The following KIRREL3 variants were observed in gnomAD, a reference collection of about 807,000 sequenced individuals.
The protein encoded by KIRREL3 is kirre like nephrin family adhesion molecule 3.
KIRREL3 carries 36 observed loss-of-function variants against 89.7 expected under a neutral mutation model. The ratio of observed to expected loss-of-function variants is 0.40; its 90% CI spans 0.31 to 0.53. KIRREL3 has a LOEUF of 0.53. Among genes scored for constraint, KIRREL3 ranks in the 20% least tolerant of loss-of-function variants. The pLI is 0.49. For synonymous variants in KIRREL3, 445 were observed against 441.4 expected, an observed-to-expected ratio of 1.01 and a Z score of -0.10; for missense variants, 864 against 1,056.6, an observed-to-expected ratio of 0.82 and a Z score of 2.53.
intron 1 of KIRREL3, among the ~76,000 whole-genome samples, chr11:126,869,561 C>T (rs60512742): frequency 1.2e-3 from 188 of 152,258 alleles, no homozygotes; most frequent in African/African-American, 4.3e-3. Context: ...CAAATGGGTT[C>T]AGCTCAAGTC....
At chr11:126,826,207 G>A (rs148961893) in intron 1 of KIRREL3, among the ~76,000 whole-genome samples, 34 of 152,258 alleles carry the variant, frequency 2.2e-4, no homozygotes, top group African/African-American at 7.9e-4. Flanking sequence ...TTGCTAGATA[G>A]TGCACACATG....
intron 1 of KIRREL3, among the ~76,000 whole-genome samples, chr11:126,770,177 C>T (rs1949974636): frequency 6.6e-6 from 1 of 152,144 alleles, no homozygotes; most frequent in Non-Finnish European, 1.5e-5. Context: ...TCCCTGCTTC[C>T]TGCTTGTCAA....
In KIRREL3 at chr11:126,427,829, C is replaced by T. The variant is rs1236153221; in HGVS notation, c.1806+1350G>A. ...AGACAAAAGACTACAAGGCTGAGAC[C>T]AACTGGGAGGCTGCTGTAATCATCC... On this transcript the variant is annotated intron_variant, in intron 15 of 16. Coordinates refer to ENST00000525144, the MANE Select transcript of KIRREL3 (RefSeq NM_032531.4). This position sits in a 1 kb window ranked among gnomAD's most constrained non-coding sequence, Gnocchi z 5.3. Among the ~76,000 whole-genome samples, 2 of 152,148 alleles carry T rather than the reference C, an allele frequency of 1.3e-5. No homozygotes were observed. The highest frequency in any genetic ancestry group is 2.9e-5 in the Non-Finnish European group (2 of 68,032).
At position 126,471,530 on chromosome 11, in the gene KIRREL3, T is replaced by G. The variant is rs1432394358; in HGVS notation, c.591+1779A>C. On this transcript the variant is annotated intron_variant, in intron 5 of 16. Coordinates refer to ENST00000525144, the MANE Select transcript of KIRREL3 (RefSeq NM_032531.4). This position sits in a 1 kb window ranked among gnomAD's most constrained non-coding sequence, Gnocchi z 5.4. Reference sequence around the variant, plus strand: ...GGGAGAGTGTGGGCACAGCCTCTGTTGTGGCTTGCTTTCATAGGAAGGAAT... The same window carrying G: ...GGGAGAGTGTGGGCACAGCCTCTGTGGTGGCTTGCTTTCATAGGAAGGAAT... Among the ~76,000 whole-genome samples the G allele has an allele frequency of 6.6e-6, 1 of 151,972 alleles. No individual in the cohort carries two copies. The highest frequency in any genetic ancestry group is 1.5e-5 in the Non-Finnish European group (1 of 67,966).
chr11:127,001,000 T>C (rs931808107), upstream of KIRREL3: 7 of 223,074 alleles, frequency 3.1e-5, no homozygotes, highest in Non-Finnish European at 3.5e-5. This position sits in a 1 kb window ranked among gnomAD's most constrained non-coding sequence, Gnocchi z 7.1. Flanking sequence ...TAGGGAAAAA[T>C]TCAGCTTTTG....
chr11:126,692,716 C>T lies in KIRREL3; in HGVS notation c.56-129804G>A, dbSNP rs1027909604. 5.3e-5 allele frequency among the ~76,000 whole-genome samples: 8 copies of T among 152,250 alleles called. No individual in the cohort carries two copies. In the East Asian group the frequency reaches 7.7e-4, roughly 15 times the overall value. ...ACATAGATGAACCTTGAAGACATTA[C>T]GCTAAGTGAAACAAGCCAGTCACAA... is the stretch of plus-strand genomic sequence containing the variant. On this transcript the variant is annotated intron_variant, in intron 1 of 16. Transcript: ENST00000525144.
intron 1 of KIRREL3, among the ~76,000 whole-genome samples, chr11:126,800,313 A>T (rs1300211236): frequency 6.6e-6 from 1 of 152,196 alleles, no homozygotes; most frequent in East Asian, 1.9e-4. Flanking sequence ...GCACTCAGCC[A>T]CTTGCTTGAG....
At chr11:126,907,819 C>A (rs1450006064) in intron 1 of KIRREL3, among the ~76,000 whole-genome samples, 1 of 152,092 alleles carries the variant, frequency 6.6e-6, no homozygotes, top group Non-Finnish European at 1.5e-5. Context: ...CATTTTGCCC[C>A]AACCACACTG....
rs1017882714 is a variant in KIRREL3 at position 126,553,321 on chromosome 11, C to T, written c.133+9514G>A. On this transcript the variant is annotated intron_variant, in intron 2 of 16. Transcript: ENST00000525144. The surrounding 1 kb of genome is among the most constrained non-coding windows in gnomAD (Gnocchi z 4.7). Reference sequence around the variant, plus strand: ...TATCTTCTACTGAGTAAGGAAAGCCCACTCCAGAGTCAGTGTCTATTCTAG... The same window carrying T: ...TATCTTCTACTGAGTAAGGAAAGCCTACTCCAGAGTCAGTGTCTATTCTAG... Among the ~76,000 whole-genome samples the T allele has an allele frequency of 6.6e-6, 1 of 152,108 alleles. No individual in the cohort carries two copies. The highest frequency in any genetic ancestry group is 2.1e-4 in the South Asian group (1 of 4,826).
At chr11:126,819,465 T>C (rs1943133893) in intron 1 of KIRREL3, among the ~76,000 whole-genome samples, 1 of 152,232 alleles carries the variant, frequency 6.6e-6, no homozygotes, top group African/African-American at 2.4e-5. Context: ...GGCCATTGTG[T>C]GGGAGGCTGC....
intron 1 of KIRREL3, among the ~76,000 whole-genome samples, chr11:126,654,797 T>A (rs4937171): frequency 0.29 from 43,931 of 152,076 alleles, 6,551 homozygotes; most frequent in East Asian, 0.42. Context: ...CATTATTTTT[T>A]TTTATTTTTT....
rs1944973076 is a variant in KIRREL3, at chr11:126,653,141, A to C, written c.56-90229T>G. Reference sequence around the variant, plus strand: ...GAGGAATATATGTACACAACTGAAAAGTTAAGTAAACAAGAGAATGATGGA... The same window carrying C: ...GAGGAATATATGTACACAACTGAAACGTTAAGTAAACAAGAGAATGATGGA... On this transcript the variant is annotated intron_variant, in intron 1 of 16. Coordinates refer to ENST00000525144, the MANE Select transcript of KIRREL3 (RefSeq NM_032531.4). The surrounding 1 kb of genome is among the most constrained non-coding windows in gnomAD (Gnocchi z 5.4). Among the ~76,000 whole-genome samples, 1 of 152,228 alleles carries C rather than the reference A, an allele frequency of 6.6e-6. No homozygotes were observed. The highest frequency in any genetic ancestry group is 1.5e-5 in the Non-Finnish European group (1 of 68,046).
At position 126,643,219 on chromosome 11, in the gene KIRREL3, A is replaced by G. The variant is rs1273042484; in HGVS notation, c.56-80307T>C. On this transcript the variant is annotated intron_variant, in intron 1 of 16. Transcript: ENST00000525144. This position sits in a 1 kb window ranked among gnomAD's most constrained non-coding sequence, Gnocchi z 4.5. ...TTAATGGTATCTATTTCATAGGGTT[A>G]ACATGGGAATTAAAGAAGATAATGC... 1.3e-5 allele frequency among the ~76,000 whole-genome samples: 2 copies of G among 152,272 alleles called. No individual in the cohort carries two copies. The highest frequency in any genetic ancestry group is 2.9e-5 in the Non-Finnish European group (2 of 68,052).
Position 126,883,328 on chromosome 11 carries a change from T to C in KIRREL3, c.55+117127A>G, listed in dbSNP as rs1010649645. Among the ~76,000 whole-genome samples the C allele has an allele frequency of 9.9e-5, 15 of 152,130 alleles. No homozygotes were observed. Among genetic ancestry groups the C allele is most frequent in the Admixed American group, 2.6e-4 (4 of 15,272 alleles). On this transcript the variant is annotated intron_variant, in intron 1 of 16. Transcript: ENST00000525144. The surrounding 1 kb of genome is among the most constrained non-coding windows in gnomAD (Gnocchi z 4.1). ...GAGAGATCTTCAAGCAGCACAGCAGTTAAAGAACTTTATAGCCTCTTCCCA... is the reference window on the plus strand; with the variant it reads ...GAGAGATCTTCAAGCAGCACAGCAGCTAAAGAACTTTATAGCCTCTTCCCA...
intron 1 of KIRREL3, among the ~76,000 whole-genome samples, chr11:126,922,714 GCAACAACAACAACAA>G (rs60734857): frequency 2.0e-5 from 3 of 151,230 alleles, no homozygotes; most frequent in African/African-American, 4.9e-5. Context: ...AGGAGCAGCA[GCAACAACAACAACAA>G]CAACAACAAC....
chr11:126,593,750 A>G (rs1376896684), intron 1 of KIRREL3, among the ~76,000 whole-genome samples: 1 of 152,206 alleles, frequency 6.6e-6, no homozygotes, highest in Non-Finnish European at 1.5e-5. Flanking sequence ...GAGAACATTC[A>G]TAGCTTTTAG....
chr11:126,536,927 T>C (rs1208418975), intron 2 of KIRREL3, among the ~76,000 whole-genome samples: 1 of 152,160 alleles, frequency 6.6e-6, no homozygotes, highest in Non-Finnish European at 1.5e-5. Context: ...ATTACAGGCA[T>C]GAGCCATTGC....
rs184246864 is a variant in KIRREL3 at position 126,458,103 on chromosome 11, G to A, written c.743-1649C>T. ...TCCTTTTTCCCTGTCATGGCCCAGA[G>A]CTCTGGCTGAGTTGAGTGGGCAGCC... On this transcript the variant is annotated intron_variant, in intron 6 of 16. Coordinates refer to ENST00000525144, the MANE Select transcript of KIRREL3 (RefSeq NM_032531.4). Among the ~76,000 whole-genome samples, 909 of 152,290 alleles carry A rather than the reference G, an allele frequency of 6.0e-3. 6 individuals carry two copies. The highest frequency in any genetic ancestry group is 0.01 in the Middle Eastern group (3 of 294).
chr11:126,441,203 C>G lies in KIRREL3; in HGVS notation c.1253-654G>C, dbSNP rs1955550621. ...TTCATCATCTTGTCTGCCTCCACGT[C>G]CATACCCAGACTGCCCAAGTGAGGC... On this transcript the variant is annotated intron_variant, in intron 10 of 16. Transcript: ENST00000525144. This position sits in a 1 kb window ranked among gnomAD's most constrained non-coding sequence, Gnocchi z 5.0. 6.6e-6 allele frequency among the ~76,000 whole-genome samples: 1 copy of G among 152,232 alleles called. No homozygotes were observed. Among genetic ancestry groups the G allele is most frequent in the African/African-American group, 2.4e-5 (1 of 41,464 alleles).
Sources: allele counts gnomAD v4.1 joint callset (sites outside exome capture counted in the v4.1 genomes callset), GRCh38; gene constraint gnomAD v4.1.1; non-coding constraint Gnocchi (gnomAD v3.1); transcripts MANE v1.5; gene names NCBI Gene and HGNC (gene_info 2026-07-23, HGNC 2026-07-21).